The following ACOT7 variants were observed in gnomAD, a reference collection of about 807,000 sequenced individuals.
The protein encoded by ACOT7 is acyl-CoA thioesterase 7.
In ACOT7, 12 loss-of-function variants were observed where a neutral mutation model predicts 40.2. The ratio of observed to expected loss-of-function variants is 0.30; its 90% CI spans 0.19 to 0.48. The LOEUF is 0.48. Among genes scored for constraint, ACOT7 ranks in the 20% least tolerant of loss-of-function variants. ACOT7 has a pLI of 0.99. For synonymous variants in ACOT7, 228 were observed against 219.5 expected (o/e 1.04, Z -0.34); for missense variants, 395 against 530.8 (o/e 0.74, Z 2.51).
At chr1:6,392,592 GA>G (rs1432229194) in intron 1 of ACOT7, among the ~76,000 whole-genome samples, 2 of 152,202 alleles carry the variant, frequency 1.3e-5, no homozygotes, top group Non-Finnish European at 2.9e-5. Flanking sequence ...TATTGTGTAA[GA>G]TGCTTTCAGG....
At chr1:6,321,326 T>C (rs921864269) in intron 5 of ACOT7, among the ~76,000 whole-genome samples, 1 of 152,196 alleles carries the variant, frequency 6.6e-6, no homozygotes, top group African/African-American at 2.4e-5. Context: ...TTAGTAGGCA[T>C]CTGATCTGTC....
chr1:6,320,028 TA>T (rs1297022793), intron 5 of ACOT7, among the ~76,000 whole-genome samples: 7 of 152,142 alleles, frequency 4.6e-5, no homozygotes, highest in Non-Finnish European at 1.0e-4. Flanking sequence ...CAAGAGAGGA[TA>T]GGGGAGGAAG....
intron 2 of ACOT7, among the ~76,000 whole-genome samples, chr1:6,340,883 A>T (rs981593052): frequency 2.0e-5 from 3 of 152,086 alleles, no homozygotes; most frequent in African/African-American, 7.2e-5. Flanking sequence ...TAAAAATACA[A>T]AAGTTACCCG....
chr1:6,330,402 C>T lies in ACOT7; in HGVS notation c.511-2989G>A, dbSNP rs541713614. Among the ~76,000 whole-genome samples the T allele has an allele frequency of 1.3e-5, 2 of 152,282 alleles. No individual in the cohort carries two copies. The highest frequency in any genetic ancestry group is 2.9e-5 in the Non-Finnish European group (2 of 68,020). ...CCAAATCAGTGGGAGGTTTATACTACGTGGGCCTAGCGTGTGTTGGGGGGA... is the reference window on the plus strand; with the variant it reads ...CCAAATCAGTGGGAGGTTTATACTATGTGGGCCTAGCGTGTGTTGGGGGGA... On this transcript the variant is annotated intron_variant, in intron 4 of 8. Transcript: ENST00000361521. This position sits in a 1 kb window ranked among gnomAD's most constrained non-coding sequence, Gnocchi z 4.6.
intron 6 of ACOT7, among the ~76,000 whole-genome samples, chr1:6,304,971 C>T (rs1640088516): frequency 6.7e-6 from 1 of 149,604 alleles, no homozygotes; most frequent in Non-Finnish European, 1.5e-5. Context: ...GTAGGGGCGG[C>T]CGGGCAGAGG....
chr1:6,278,240 G>T lies in ACOT7; in HGVS notation c.1014+2862C>A, dbSNP rs1639255469. 6.6e-6 allele frequency among the ~76,000 whole-genome samples: 1 copy of T among 152,172 alleles called. No individual in the cohort carries two copies. Among genetic ancestry groups the T allele is most frequent in the South Asian group, 2.1e-4 (1 of 4,828 alleles). The stretch of plus-strand genomic sequence containing the variant: ...GGGAGCAGCAGGTGCACAGGCGCCG[G>T]GCAGGAGTGAGCTTGCTGCACCCAC... On this transcript the variant is annotated intron_variant, in intron 8 of 8. Coordinates refer to ENST00000361521, the MANE Select transcript of ACOT7 (RefSeq NM_007274.4). This position sits in a 1 kb window ranked among gnomAD's most constrained non-coding sequence, Gnocchi z 4.1.
chr1:6,269,285 G>A (rs1040923069), intron 8 of ACOT7, among the ~76,000 whole-genome samples: 2 of 152,198 alleles, frequency 1.3e-5, no homozygotes, highest in African/African-American at 2.4e-5. Context: ...TGAGGAAGGC[G>A]ATGGACCTGC....
In ACOT7 at chr1:6,393,475, TCCCCGCGCCGACCCCGC is replaced by T. The variant is rs1435725909; in HGVS notation, c.-93_-77del. ...GCGCCGGGGGCAATCGAACGCGGCC[TCCCCGCGCCGACCCCGC>T]CCCCGCGCCGGCCCCACCCCGAGCC... is the stretch of plus-strand genomic sequence containing the variant. On this transcript the variant is annotated 5_prime_UTR_variant, in exon 1 of 9. Transcript: ENST00000361521. The T allele has an allele frequency of 6.8e-6, 8 of 1,172,438 alleles. No individual in the cohort carries two copies. Among genetic ancestry groups the T allele is most frequent in the Admixed American group, 8.8e-5 (2 of 22,614 alleles). The allele number at this position is 1,172,438 out of a possible 1,614,324, so 72.6% of individuals were successfully genotyped here. A position where few individuals can be genotyped will look rare whatever the true frequency, so the allele number is the denominator to read the frequency against.
At chr1:6,354,644 C>G (rs1202097041) in intron 1 of ACOT7, among the ~76,000 whole-genome samples, 1 of 151,086 alleles carries the variant, frequency 6.6e-6, no homozygotes, top group East Asian at 2.0e-4. Flanking sequence ...GGCCTCTGCA[C>G]TGGCCTCTCA....
intron 6 of ACOT7, among the ~76,000 whole-genome samples, chr1:6,304,879 C>T (rs1270582817): frequency 1.4e-5 from 2 of 141,392 alleles, no homozygotes; most frequent in East Asian, 4.1e-4. Flanking sequence ...CTGCCATTGT[C>T]ATCATGGCCC....
chr1:6,294,745 G>T lies in ACOT7; in HGVS notation c.829+119C>A. 1 of 709,820 alleles carries T rather than the reference G, an allele frequency of 1.4e-6. No homozygotes were observed. 44.0% of individuals were successfully genotyped at this position (709,820 alleles called of 1,614,324 possible). On this transcript the variant is annotated intron_variant, in intron 7 of 8. Coordinates refer to ENST00000361521, the MANE Select transcript of ACOT7 (RefSeq NM_007274.4). This position sits in a 1 kb window ranked among gnomAD's most constrained non-coding sequence, Gnocchi z 4.6. ...AAACCTCAGCTTCCTGTTCCCTGTG[G>T]CAGATGGGCACACACCAAGGCCCAC...
intron 1 of ACOT7, among the ~76,000 whole-genome samples, chr1:6,379,900 G>GA (rs1000016568): frequency 3.3e-5 from 5 of 150,788 alleles, no homozygotes; most frequent in Admixed American, 6.6e-5. Context: ...GTCTCTGCTG[G>GA]AAAAAAAATA....
intron 8 of ACOT7, among the ~76,000 whole-genome samples, chr1:6,280,888 C>T (rs1027079871): frequency 1.3e-5 from 2 of 152,096 alleles, no homozygotes; most frequent in African/African-American, 4.8e-5. Context: ...AAAGGCCTAC[C>T]CGCTGGTTAT....
intron 7 of ACOT7, among the ~76,000 whole-genome samples, chr1:6,283,267 G>A (rs1163514657): frequency 2.6e-5 from 4 of 152,194 alleles, no homozygotes; most frequent in Non-Finnish European, 5.9e-5. Flanking sequence ...AGGTTTAAGC[G>A]ACTGTCACAC....
rs189903162 is a variant in ACOT7 at position 6,302,347 on chromosome 1, G to T, written c.713-7367C>A. Among the ~76,000 whole-genome samples, 7 of 152,216 alleles carry T rather than the reference G, an allele frequency of 4.6e-5. No homozygotes were observed. In the East Asian group the frequency reaches 1.4e-3, roughly 29 times the overall value. On this transcript the variant is annotated intron_variant, in intron 6 of 8. Transcript: ENST00000361521. ...TGGGCCAACTCAAGGCCAACTTTACGACTCAGGAGATAACCTTTCTCGGGG... is the reference window on the plus strand; with the variant it reads ...TGGGCCAACTCAAGGCCAACTTTACTACTCAGGAGATAACCTTTCTCGGGG...
Position 6,377,127 on chromosome 1 carries a change from T to C in ACOT7, c.143+16130A>G, listed in dbSNP as rs1375584739. 2.6e-5 allele frequency among the ~76,000 whole-genome samples: 4 copies of C among 152,284 alleles called. No individual in the cohort carries two copies. In the East Asian group the frequency reaches 7.7e-4, roughly 29 times the overall value. ...GGAGCACAGGAGCCCTCATTCACTG[T>C]TGGTGAGAATGCAAAATGGCACAGC... On this transcript the variant is annotated intron_variant, in intron 1 of 8. Transcript: ENST00000361521.
chr1:6,285,567 C>A (rs986765068), intron 7 of ACOT7, among the ~76,000 whole-genome samples: 2 of 152,256 alleles, frequency 1.3e-5, no homozygotes, highest in African/African-American at 4.8e-5. Context: ...AGAGCCTGGA[C>A]CATCCAGGCT....
At chr1:6,268,299 A>T (rs970528355) in intron 8 of ACOT7, among the ~76,000 whole-genome samples, 13 of 152,266 alleles carry the variant, frequency 8.5e-5, no homozygotes, top group African/African-American at 3.1e-4. Context: ...GTGGTGGGGG[A>T]GTAGTCAGGG....
chr1:6,368,032 T>G (rs565341490), intron 1 of ACOT7, among the ~76,000 whole-genome samples: 25 of 152,242 alleles, frequency 1.6e-4, no homozygotes, highest in African/African-American at 5.5e-4. Flanking sequence ...TCTGGCTGAG[T>G]CCGGGGTTTT....
Sources: gnomAD v4.1 joint callset for allele counts (sites outside exome capture counted in the v4.1 genomes callset) on GRCh38, gnomAD v4.1.1 for gene constraint, Gnocchi (gnomAD v3.1) non-coding constraint, MANE v1.5 for transcripts, NCBI Gene and HGNC (gene_info 2026-07-23, HGNC 2026-07-21) for gene names.